The following CENPW variants were observed in gnomAD, a reference collection of about 807,000 sequenced individuals.
The protein encoded by CENPW is cancer-up-regulated gene 2 protein.
In CENPW, 3 loss-of-function variants were observed where a neutral mutation model predicts 11.1. The ratio of observed to expected loss-of-function variants is 0.27; its 90% CI spans 0.12 to 0.70. CENPW has a LOEUF of 0.70. Among genes scored for constraint, CENPW ranks in the 30% least tolerant of loss-of-function variants. The pLI is 0.77. For missense variants in CENPW, 100 were observed against 105.6 expected (o/e 0.95, Z 0.23); for synonymous variants, 38 against 42.0 (o/e 0.91, Z 0.37).
chr6:126,438,148 C>T, the CENPW span, among the ~76,000 whole-genome samples: 1 of 151,308 alleles, frequency 6.6e-6, no homozygotes, highest in East Asian at 1.9e-4. Context: ...CTCTCTCACT[C>T]TCTCTCTCTC....
At chr6:126,462,718 AC>A in the CENPW span, among the ~76,000 whole-genome samples, 1 of 152,072 alleles carries the variant, frequency 6.6e-6, no homozygotes, top group African/African-American at 2.4e-5. Context: ...ATTTAAAAAA[AC>A]AACAATAATT....
At chr6:126,429,910 C>T in the CENPW span, among the ~76,000 whole-genome samples, 1 of 152,172 alleles carries the variant, frequency 6.6e-6, no homozygotes, top group Non-Finnish European at 1.5e-5. Context: ...ACAAATGAGA[C>T]ATTTTAATTT....
the CENPW span, among the ~76,000 whole-genome samples, chr6:126,465,296 G>A: frequency 6.6e-6 from 1 of 151,798 alleles, no homozygotes; most frequent in African/African-American, 2.4e-5. Flanking sequence ...TAAATATAAA[G>A]TACCTGAGTA....
At chr6:126,461,461 C>A in the CENPW span, among the ~76,000 whole-genome samples, 1 of 151,754 alleles carries the variant, frequency 6.6e-6, no homozygotes, top group Non-Finnish European at 1.5e-5. Flanking sequence ...TAAGTGTGTC[C>A]CAAATACTAA....
the CENPW span, among the ~76,000 whole-genome samples, chr6:126,457,148 C>T: frequency 1.3e-5 from 2 of 150,750 alleles, no homozygotes; most frequent in Non-Finnish European, 1.5e-5. Flanking sequence ...TCTCCAAAAA[C>T]TGAAAAAAAA....
the CENPW span, among the ~76,000 whole-genome samples, chr6:126,361,118 ACT>A: frequency 6.6e-6 from 1 of 151,790 alleles, no homozygotes; most frequent in African/African-American, 2.4e-5. Context: ...GAGGGTCATG[ACT>A]CTGTATGGGA....
the CENPW span, among the ~76,000 whole-genome samples, chr6:126,399,179 T>C: frequency 6.6e-6 from 1 of 152,256 alleles, no homozygotes; most frequent in East Asian, 1.9e-4. Flanking sequence ...TACCTAGTAA[T>C]GGGATTGCTG....
chr6:126,390,834 T>C, the CENPW span, among the ~76,000 whole-genome samples: 3 of 152,130 alleles, frequency 2.0e-5, no homozygotes, highest in East Asian at 3.9e-4. Context: ...AAATACTCTA[T>C]TGTGTATATG....
At chr6:126,430,745 A>G in the CENPW span, among the ~76,000 whole-genome samples, 2 of 151,912 alleles carry the variant, frequency 1.3e-5, no homozygotes, top group East Asian at 3.9e-4. Flanking sequence ...AGGTCAGGAG[A>G]TCAAGACCAT....
chr6:126,475,610 C>G, the CENPW span, among the ~76,000 whole-genome samples: 1 of 151,850 alleles, frequency 6.6e-6, no homozygotes, highest in Non-Finnish European at 1.5e-5. Flanking sequence ...AAGTTTAAAG[C>G]CTGGTTTTGC....
At chr6:126,381,512 C>T in the CENPW span, among the ~76,000 whole-genome samples, 1 of 152,216 alleles carries the variant, frequency 6.6e-6, no homozygotes, top group Admixed American at 6.5e-5. Flanking sequence ...TCAAGACTAA[C>T]ATTGTTCAAG....
At chr6:126,381,393 A>G in the CENPW span, among the ~76,000 whole-genome samples, 1 of 152,118 alleles carries the variant, frequency 6.6e-6, no homozygotes, top group Non-Finnish European at 1.5e-5. Context: ...AAATGCATGC[A>G]TATACACTTT....
the CENPW span, among the ~76,000 whole-genome samples, chr6:126,474,120 T>C: frequency 6.6e-6 from 1 of 151,054 alleles, no homozygotes; most frequent in South Asian, 2.1e-4. Flanking sequence ...TATGTGTGTA[T>C]ATATATGTAT....
At chr6:126,412,999 G>C in the CENPW span, among the ~76,000 whole-genome samples, 2 of 152,054 alleles carry the variant, frequency 1.3e-5, no homozygotes, top group African/African-American at 4.8e-5. Context: ...TTCACTTGCT[G>C]TATATCTTTA....
chr6:126,365,507 A>T, the CENPW span, among the ~76,000 whole-genome samples: 4 of 152,040 alleles, frequency 2.6e-5, no homozygotes, highest in Non-Finnish European at 4.4e-5. Flanking sequence ...AAACAACCAG[A>T]TCTCCTGAGA....
Position 126,348,517 on chromosome 6 carries a change from G to A in CENPW, c.*25G>A. On this transcript the variant is annotated 3_prime_UTR_variant, in exon 3 of 3. Transcript: ENST00000368328. ...GAAGTCAAAGAACATATTCTTGAAA[G>A]TTATGATGCATTCTTTTGGGTGGTA... 7.2e-7 allele frequency: 1 copy of A among 1,392,460 alleles called. No individual in the cohort carries two copies. Among genetic ancestry groups the A allele is most frequent in the South Asian group, 1.2e-5 (1 of 85,232 alleles). 86.3% of individuals were successfully genotyped at this position (1,392,460 alleles called of 1,614,324 possible).
At position 126,340,316 on chromosome 6, in the gene CENPW, C is replaced by T. The variant is rs909945926; in HGVS notation, c.43C>T (p.Arg15Trp). 4.3e-6 allele frequency: 7 copies of T among 1,614,006 alleles called. No homozygotes were observed. Among genetic ancestry groups the T allele is most frequent in the Middle Eastern group, 3.4e-4 (2 of 5,952 alleles). ...AGTCTCCCAGAGGAAGCAGATAAAG[C>T]GGAAGGCTCCCCGTGGCTTTCTAAA... is the stretch of plus-strand genomic sequence containing the variant. ...TIVSQRKQIKRKAPRGFLKRV... is the reference protein window; with the variant it reads ...TIVSQRKQIKWKAPRGFLKRV... The change falls in exon 1 of 3, where the codon CGG becomes TGG. Residue 15 changes from arginine (R) to tryptophan (W), a missense_variant. Coordinates refer to ENST00000368328, the MANE Select transcript of CENPW (RefSeq NM_001012507.4).
chr6:126,434,767 G>T, the CENPW span, among the ~76,000 whole-genome samples: 13 of 151,874 alleles, frequency 8.6e-5, no homozygotes, highest in Non-Finnish European at 1.6e-4. Flanking sequence ...AATAAAATAA[G>T]AAATTATAAC....
At chr6:126,430,774 A>C in the CENPW span, among the ~76,000 whole-genome samples, 1 of 152,022 alleles carries the variant, frequency 6.6e-6, no homozygotes, top group African/African-American at 2.4e-5. Flanking sequence ...ACATGGTGAA[A>C]CCCCATCACT....
Sources: allele counts gnomAD v4.1 joint callset (sites outside exome capture counted in the v4.1 genomes callset), GRCh38; gene constraint gnomAD v4.1.1; transcripts MANE v1.5; gene names NCBI Gene and HGNC (gene_info 2026-07-23, HGNC 2026-07-21).